The following DZIP3 variants were observed in gnomAD, a reference collection of about 807,000 sequenced individuals.
DZIP3 encodes E3 ubiquitin-protein ligase DZIP3.
In DZIP3, 118 loss-of-function variants were observed where a neutral mutation model predicts 162.0. That is an observed-to-expected ratio of 0.73 (90% CI 0.63 to 0.85). DZIP3 has a LOEUF of 0.85. Ranked by LOEUF, DZIP3 falls within the 40% of genes least tolerant of loss-of-function variation. The pLI is 0.00. For missense variants in DZIP3, 1,331 were observed against 1,407.0 expected (o/e 0.95, Z 0.86); for synonymous variants, 438 against 458.6 (o/e 0.96, Z 0.57).
At chr3:108,653,195 T>C (rs542438357) in intron 18 of DZIP3, among the ~76,000 whole-genome samples, 1 of 152,000 alleles carries the variant, frequency 6.6e-6, no homozygotes, top group East Asian at 1.9e-4. Context: ...TGGGTCACTC[T>C]AGAATACCTC....
In DZIP3 at chr3:108,615,799, C is replaced by T. The variant is rs77405476; in HGVS notation, c.259-742C>T. On this transcript the variant is annotated intron_variant, in intron 4 of 32. Transcript: ENST00000361582. ...AGATTGCAGCATAAAATGGTTTACC[C>T]TTGTATTGGTATTAATGCCAGCATT... Among the ~76,000 whole-genome samples, 1,297 of 152,268 alleles carry T rather than the reference C, an allele frequency of 8.5e-3. 17 individuals carry two copies. Among genetic ancestry groups the T allele is most frequent in the African/African-American group, 0.03 (1,241 of 41,544 alleles).
chr3:108,681,662 A>G (rs1161070595), intron 26 of DZIP3, among the ~76,000 whole-genome samples: 4 of 152,206 alleles, frequency 2.6e-5, no homozygotes, highest in Admixed American at 2.6e-4. Context: ...TCACAGTAGC[A>G]AAGACTTGAA....
Position 108,654,157 on chromosome 3 carries a change from A to C in DZIP3, c.2046A>C (p.Val682=). The C allele has an allele frequency of 6.2e-7, 1 of 1,613,332 alleles. No homozygotes were observed. Among genetic ancestry groups the C allele is most frequent in the Non-Finnish European group, 8.5e-7 (1 of 1,179,564 alleles). Residue 682 remains valine, a synonymous_variant, in exon 19 of 33, where the codon GTA becomes GTC. Coordinates refer to ENST00000361582, the MANE Select transcript of DZIP3 (RefSeq NM_014648.4). ...GTCACGACTACAGCCCATATGTGGTAGAAAAGGAAGAGCAGTTGAGGAAAG... is the reference window on the plus strand; with the variant it reads ...GTCACGACTACAGCCCATATGTGGTCGAAAAGGAAGAGCAGTTGAGGAAAG... ...DSKEDQVPYV[V]EKEEQLRKEQ...
chr3:108,664,100 C>G (rs551431677), intron 21 of DZIP3, among the ~76,000 whole-genome samples: 1 of 152,234 alleles, frequency 6.6e-6, no homozygotes, highest in African/African-American at 2.4e-5. Flanking sequence ...AGCATGCTGT[C>G]TAAAGACATT....
chr3:108,692,939 T>C (rs1397183698), intron 32 of DZIP3, among the ~76,000 whole-genome samples: 2 of 149,846 alleles, frequency 1.3e-5, no homozygotes, highest in African/African-American at 4.9e-5. Context: ...TTATTTAATA[T>C]GATAAAACTT....
rs867252856 is a variant in DZIP3 at position 108,674,186 on chromosome 3, C to G, written c.2693+5C>G. On this transcript the variant is annotated splice_donor_5th_base_variant and intron_variant, in intron 24 of 32. Coordinates refer to ENST00000361582, the MANE Select transcript of DZIP3 (RefSeq NM_014648.4). ...GGTGACTCACATGGCAGCAAGGTAA[C>G]CTTTCCCTCTTCCTTAATGCATCTT... The G allele has an allele frequency of 1.1e-5, 17 of 1,610,256 alleles. 1 individual carries two copies. In the Middle Eastern group the frequency reaches 2.8e-3, roughly 266 times the overall value.
At chr3:108,614,357 A>G (rs969328421) in intron 4 of DZIP3, among the ~76,000 whole-genome samples, 13 of 152,248 alleles carry the variant, frequency 8.5e-5, no homozygotes, top group African/African-American at 2.2e-4. Context: ...GGTTTGTCTC[A>G]TAGCAACCTG....
intron 22 of DZIP3, among the ~76,000 whole-genome samples, chr3:108,671,037 G>A (rs891879902): frequency 1.3e-5 from 2 of 151,570 alleles, no homozygotes; most frequent in African/African-American, 2.4e-5. Context: ...GTCCCTTATC[G>A]GATACATGAT....
At chr3:108,646,675 G>C in intron 15 of DZIP3, 26 bp downstream of exon 15, 1 of 1,484,062 alleles carries the variant, frequency 6.7e-7, no homozygotes, top group Non-Finnish European at 9.1e-7. Flanking sequence ...AATAAAATGT[G>C]TAAATGACTT....
Position 108,648,091 on chromosome 3 carries a change from A to G in DZIP3, c.1941A>G (p.Glu647=). The G allele has an allele frequency of 6.2e-7, 1 of 1,603,970 alleles. No individual in the cohort carries two copies. Among genetic ancestry groups the G allele is most frequent in the South Asian group, 1.1e-5 (1 of 88,396 alleles). The part of the protein sequence containing the change: ...GTSIPSESST[E]SLKDLQEVKS... ...CAATACCCAGTGAATCTTCAACAGA[A>G]TCTCTTAAAGATCTCCAGGAAGTAT... is the stretch of plus-strand genomic sequence containing the variant. The change falls in exon 16 of 33, where the codon GAA becomes GAG. Residue 647 remains glutamate, a synonymous_variant. Transcript: ENST00000361582.
chr3:108,674,449 A>C (rs1282317167), intron 24 of DZIP3, among the ~76,000 whole-genome samples: 3 of 151,912 alleles, frequency 2.0e-5, no homozygotes, highest in Non-Finnish European at 4.4e-5. Flanking sequence ...CTTCTGCTGA[A>C]GCACTGAGAA....
At chr3:108,631,055 A>ATACACACTCTCTCTCTCTCTCTCTCT (rs1553705360) in intron 8 of DZIP3, among the ~76,000 whole-genome samples, 1 of 18,006 alleles carries the variant, frequency 5.6e-5, no homozygotes, top group African/African-American at 2.8e-4. Context: ...ACACACACAC[A>ATACACACTCTCTCTCTCTCTCTCTCT]CTCTCTCTCT....
At chr3:108,608,978 G>C (rs925389598) in intron 3 of DZIP3, among the ~76,000 whole-genome samples, 1 of 152,180 alleles carries the variant, frequency 6.6e-6, no homozygotes, top group Non-Finnish European at 1.5e-5. Flanking sequence ...GGAAGGCAAA[G>C]GGGAAGCAAG....
intron 5 of DZIP3, among the ~76,000 whole-genome samples, chr3:108,619,188 TAGGGTTATA>T (rs1941192204): frequency 6.6e-6 from 1 of 150,562 alleles, no homozygotes; most frequent in East Asian, 1.9e-4. Flanking sequence ...TGACAAAAGA[TAGGGTTATA>T]ATCTTCAGTC....
At chr3:108,651,650 C>T (rs149511786) in intron 18 of DZIP3, among the ~76,000 whole-genome samples, 13 of 151,732 alleles carry the variant, frequency 8.6e-5, no homozygotes, top group Admixed American at 2.6e-4. Flanking sequence ...GTTTTTAAGA[C>T]TTAACCTGCA....
chr3:108,607,958 A>C, intron 2 of DZIP3, 131 bp from the exon 3 acceptor site: 2 of 746,232 alleles, frequency 2.7e-6, no homozygotes, highest in Non-Finnish European at 4.6e-6. Context: ...GGCACCTACC[A>C]CCATTACCAG....
At chr3:108,681,189 C>T (rs1395570555) in intron 26 of DZIP3, among the ~76,000 whole-genome samples, 1 of 152,080 alleles carries the variant, frequency 6.6e-6, no homozygotes, top group East Asian at 1.9e-4. Flanking sequence ...ATCCGTCTGA[C>T]AAAGGGCTTA....
chr3:108,650,588 T>C (rs537876844), intron 17 of DZIP3, among the ~76,000 whole-genome samples: 3 of 151,916 alleles, frequency 2.0e-5, no homozygotes, highest in African/African-American at 7.2e-5. Flanking sequence ...TTAATGAACA[T>C]AAAATTTAGG....
chr3:108,694,667 C>A lies in DZIP3; in HGVS notation c.*1314C>A, dbSNP rs931323951. On this transcript the variant is annotated 3_prime_UTR_variant, in exon 33 of 33. Coordinates refer to ENST00000361582, the MANE Select transcript of DZIP3 (RefSeq NM_014648.4). ...ATTTCCCACCAGGCCCCTCCCACAACATGGAATAATGGGAGATACAAGATA... is the reference window on the plus strand; with the variant it reads ...ATTTCCCACCAGGCCCCTCCCACAAAATGGAATAATGGGAGATACAAGATA... The A allele has an allele frequency of 6.6e-6, 1 of 152,256 alleles. No individual in the cohort carries two copies. The highest frequency in any genetic ancestry group is 2.4e-5 in the African/African-American group (1 of 41,430). 9.4% of individuals were successfully genotyped at this position (152,256 alleles called of 1,614,324 possible). A position where few individuals can be genotyped will look rare whatever the true frequency, so the allele number is the denominator to read the frequency against.
Sources: allele counts gnomAD v4.1 joint callset (sites outside exome capture counted in the v4.1 genomes callset), GRCh38; gene constraint gnomAD v4.1.1; transcripts MANE v1.5; gene names NCBI Gene and HGNC (gene_info 2026-07-23, HGNC 2026-07-21).